Variants in PCDHGB7 observed in about 807,000 individuals in gnomAD.
PCDHGB7 encodes protocadherin gamma subfamily B, 7.
PCDHGB7 carries 37 observed loss-of-function variants against 61.4 expected under a neutral mutation model. The observed-to-expected ratio is 0.60, with a 90% confidence interval of 0.46 to 0.79. PCDHGB7 has a LOEUF of 0.79. Ranked by LOEUF, PCDHGB7 falls within the 30% of genes least tolerant of loss-of-function variation. The pLI, the probability that PCDHGB7 is intolerant of heterozygous loss-of-function variation, is 0.00. For synonymous variants in PCDHGB7, 464 were observed against 503.5 expected, an observed-to-expected ratio of 0.92 and a Z score of 1.05; for missense variants, 1,166 against 1,202.5, an observed-to-expected ratio of 0.97 and a Z score of 0.45.
chr5:141,478,576 G>C (rs543160289), intron 1 of PCDHGB7: 3 of 1,585,598 alleles, frequency 1.9e-6, no homozygotes, highest in Middle Eastern at 3.3e-4. Flanking sequence ...GCTTGACCCT[G>C]TTAGTGCTTT....
intron 1 of PCDHGB7, chr5:141,478,866 C>T (rs1392885307): frequency 1.5e-6 from 2 of 1,304,352 alleles, no homozygotes; most frequent in Non-Finnish European, 2.0e-6. Flanking sequence ...TCTCAGCGAT[C>T]AGAGTTTAGC....
chr5:141,478,142 G>T (rs774271595), intron 1 of PCDHGB7: 8 of 1,613,988 alleles, frequency 5.0e-6, no homozygotes, highest in Non-Finnish European at 6.8e-6. Flanking sequence ...AGCCCGAGCC[G>T]AGTTCCCCTC....
Position 141,491,004 on chromosome 5 carries a change from G to T in PCDHGB7, c.2416-3803G>T. ...CTCGCTCTGCTCCTCCTGGCTCCTT[G>T]GTCACCAAGGTGACAGCCGTGGATG... On this transcript the variant is annotated intron_variant, in intron 1 of 3. Transcript: ENST00000398594. The surrounding 1 kb of genome is among the most constrained non-coding windows in gnomAD (Gnocchi z 6.9). The T allele has an allele frequency of 6.2e-7, 1 of 1,614,024 alleles. No individual in the cohort carries two copies. Among genetic ancestry groups the T allele is most frequent in the Non-Finnish European group, 8.5e-7 (1 of 1,180,026 alleles).
chr5:141,428,744 T>C (rs939886054), intron 1 of PCDHGB7: 10 of 155,306 alleles, frequency 6.4e-5, no homozygotes, highest in African/African-American at 2.4e-4. Context: ...ATATCTACTA[T>C]TGCTTCAGGT....
At chr5:141,453,544 C>T (rs540372287) in intron 1 of PCDHGB7, among the ~76,000 whole-genome samples, 12 of 152,310 alleles carry the variant, frequency 7.9e-5, no homozygotes, top group African/African-American at 2.9e-4. Flanking sequence ...ATTCACACCA[C>T]ACTCTGTAGA....
chr5:141,476,687 A>G lies in PCDHGB7; in HGVS notation c.2416-18120A>G. 1 of 1,614,212 alleles carries G rather than the reference A, an allele frequency of 6.2e-7. No individual in the cohort carries two copies. Among genetic ancestry groups the G allele is most frequent in the Non-Finnish European group, 8.5e-7 (1 of 1,180,044 alleles). On this transcript the variant is annotated intron_variant, in intron 1 of 3. Transcript: ENST00000398594. This position sits in a 1 kb window ranked among gnomAD's most constrained non-coding sequence, Gnocchi z 7.6. ...TCGCGTGCAGACGCGGGAGGACAGC[A>G]CCAAGTACGCGGAGCTGGTGTTGGA... is the stretch of plus-strand genomic sequence containing the variant.
chr5:141,450,615 T>C (rs2098687601), intron 1 of PCDHGB7, among the ~76,000 whole-genome samples: 1 of 151,340 alleles, frequency 6.6e-6, no homozygotes, highest in African/African-American at 2.4e-5. Flanking sequence ...GCCTCCTGAG[T>C]AGCTGGGATT....
At chr5:141,421,192 C>G (rs758345796) in intron 1 of PCDHGB7, 22 of 1,491,716 alleles carry the variant, frequency 1.5e-5, no homozygotes, top group Non-Finnish European at 1.9e-5. Flanking sequence ...AACCAACCAG[C>G]TCGAGAAACC....
intron 1 of PCDHGB7, chr5:141,430,744 C>T: frequency 6.7e-7 from 1 of 1,498,404 alleles, no homozygotes; most frequent in Non-Finnish European, 8.9e-7. Flanking sequence ...GAAAATAATT[C>T]TGGAGGAAGA....
Position 141,418,282 on chromosome 5 carries a change from A to C in PCDHGB7, c.423A>C (p.Glu141Asp). Residue 141 changes from glutamate to aspartate, a missense_variant, in exon 1 of 4, where the codon GAA becomes GAC. Coordinates refer to ENST00000398594, the MANE Select transcript of PCDHGB7 (RefSeq NM_018927.4). The part of the protein sequence containing the change: ...PQFRKDEINL[E>D]ISESVSLGMG... ...TCCGGAAAGATGAAATAAACTTAGAAATCAGTGAATCCGTCAGCCTGGGGA... is the reference window on the plus strand; with the variant it reads ...TCCGGAAAGATGAAATAAACTTAGACATCAGTGAATCCGTCAGCCTGGGGA... 1 of 1,614,030 alleles carries C rather than the reference A, an allele frequency of 6.2e-7. No individual in the cohort carries two copies. Among genetic ancestry groups the C allele is most frequent in the Non-Finnish European group, 8.5e-7 (1 of 1,179,884 alleles).
chr5:141,494,844 C>T lies in PCDHGB7; in HGVS notation c.2453C>T (p.Ala818Val). The change falls in exon 2 of 4, where the codon GCC becomes GTC. Residue 818 changes from alanine to valine, a missense_variant. Ala to Val is a moderately conservative substitution (Grantham distance 64). Coordinates refer to ENST00000398594, the MANE Select transcript of PCDHGB7 (RefSeq NM_018927.4). ...PPNTDWRFSQ[A>V]QRPGTSGSQN... The stretch of plus-strand genomic sequence containing the variant: ...AACACGGACTGGCGTTTCTCTCAGG[C>T]CCAGAGACCCGGCACCAGCGGGTAG... The T allele has an allele frequency of 6.2e-7, 1 of 1,614,190 alleles. No homozygotes were observed. The highest frequency in any genetic ancestry group is 8.5e-7 in the Non-Finnish European group (1 of 1,180,028).
chr5:141,470,778 C>A (rs1047167697), intron 1 of PCDHGB7, among the ~76,000 whole-genome samples: 1 of 152,132 alleles, frequency 6.6e-6, no homozygotes, highest in African/African-American at 2.4e-5. Context: ...GTCTTGAATT[C>A]CTGGGCTCAA....
intron 1 of PCDHGB7, chr5:141,475,890 G>C: frequency 1.8e-6 from 1 of 565,896 alleles, no homozygotes; most frequent in South Asian, 2.3e-5. Flanking sequence ...CTGGGACTCT[G>C]TGTGCCGCTG....
chr5:141,443,317 C>CAAA (rs35054295), intron 1 of PCDHGB7, among the ~76,000 whole-genome samples: 8 of 142,020 alleles, frequency 5.6e-5, no homozygotes, highest in African/African-American at 2.1e-4. Context: ...CCCATCTCTA[C>CAAA]AAAAAAAAAA....
intron 1 of PCDHGB7, chr5:141,421,422 C>T (rs908483513): frequency 6.2e-7 from 1 of 1,614,086 alleles, no homozygotes; most frequent in Non-Finnish European, 8.5e-7. Flanking sequence ...AGCGCGGAGT[C>T]CGCATCGTCT....
rs909255357 is a variant in PCDHGB7 at position 141,489,178 on chromosome 5, C to A, written c.2416-5629C>A. 5 of 1,234,744 alleles carry A rather than the reference C, an allele frequency of 4.0e-6. No individual in the cohort carries two copies. The highest frequency in any genetic ancestry group is 2.3e-5 in the Admixed American group (1 of 42,922). The allele number at this position is 1,234,744 out of a possible 1,614,324, so 76.5% of individuals were successfully genotyped here. Reference sequence around the variant, plus strand: ...GAGACTTCAGCTGCTGCATTCCAAGCCCTGGGTCTACCTTGGAGACAGGAC... The same window carrying A: ...GAGACTTCAGCTGCTGCATTCCAAGACCTGGGTCTACCTTGGAGACAGGAC... On this transcript the variant is annotated intron_variant, in intron 1 of 3. Transcript: ENST00000398594. This position sits in a 1 kb window ranked among gnomAD's most constrained non-coding sequence, Gnocchi z 4.5.
chr5:141,418,635 C>G lies in PCDHGB7; in HGVS notation c.776C>G (p.Thr259Ser). The G allele has an allele frequency of 6.2e-7, 1 of 1,614,018 alleles. No individual in the cohort carries two copies. ...CTTCGGGAAGACGTGCCTCCAGGCACCTCCATCCTGAGAGTGAAGGCCACT... is the reference window on the plus strand; with the variant it reads ...CTTCGGGAAGACGTGCCTCCAGGCAGCTCCATCCTGAGAGTGAAGGCCACT... The part of the protein sequence containing the change: ...VSLREDVPPG[T>S]SILRVKATDQ... Residue 259 changes from threonine to serine, a missense_variant, in exon 1 of 4, where the codon ACC becomes AGC. Transcript: ENST00000398594.
intron 1 of PCDHGB7, chr5:141,427,864 A>G: frequency 6.4e-7 from 1 of 1,557,574 alleles, no homozygotes; most frequent in Non-Finnish European, 8.8e-7. Flanking sequence ...TGCGCCTTCG[A>G]GCTCACGATG....
chr5:141,487,748 T>A lies in PCDHGB7; in HGVS notation c.2416-7059T>A, dbSNP rs1458153935. ...TGTCACCATTTTTGTAAGAGGTAACTATGTGGTAGACGCTGTGCTTTGTAA... is the reference window on the plus strand; with the variant it reads ...TGTCACCATTTTTGTAAGAGGTAACAATGTGGTAGACGCTGTGCTTTGTAA... On this transcript the variant is annotated intron_variant, in intron 1 of 3. Transcript: ENST00000398594. This position sits in a 1 kb window ranked among gnomAD's most constrained non-coding sequence, Gnocchi z 5.0. 6.4e-7 allele frequency: 1 copy of A among 1,557,554 alleles called. No homozygotes were observed. The highest frequency in any genetic ancestry group is 1.2e-5 in the South Asian group (1 of 84,814).
Sources: allele counts gnomAD v4.1 joint callset (sites outside exome capture counted in the v4.1 genomes callset), GRCh38; gene constraint gnomAD v4.1.1; non-coding constraint Gnocchi (gnomAD v3.1); transcripts MANE v1.5; gene names NCBI Gene and HGNC (gene_info 2026-07-23, HGNC 2026-07-21).